VPS13B: variants seen among roughly 807,000 people sequenced by gnomAD.
The protein encoded by VPS13B is intermembrane lipid transfer protein VPS13B.
Under a neutral mutation model 426.4 loss-of-function variants are expected in VPS13B, and 285 were observed. The ratio of observed to expected loss-of-function variants is 0.67; its 90% confidence interval spans 0.61 to 0.74. The LOEUF (loss-of-function observed/expected upper bound fraction) is 0.74. Ranked by LOEUF, VPS13B falls within the 30% of genes least tolerant of loss-of-function variation. VPS13B has a pLI of 0.00. For synonymous variants in VPS13B, 1,676 were observed against 1,676.4 expected, an observed-to-expected ratio of 1.00 and a Z score of 0.01; for missense variants, 4,537 against 4,782.6, an observed-to-expected ratio of 0.95 and a Z score of 1.51.
At chr8:99,224,206 G>GT (rs900687013) in intron 17 of VPS13B, among the ~76,000 whole-genome samples, 9 of 151,950 alleles carry the variant, frequency 5.9e-5, no homozygotes, top group East Asian at 1.9e-4. Context: ...ATGCAGATGG[G>GT]TTTTTTTTCT....
At chr8:99,353,675 A>G (rs989405572) in intron 19 of VPS13B, among the ~76,000 whole-genome samples, 6 of 151,856 alleles carry the variant, frequency 4.0e-5, no homozygotes, top group Non-Finnish European at 8.8e-5. Flanking sequence ...AAAAAATAGC[A>G]CTAGATGCAT....
intron 14 of VPS13B, among the ~76,000 whole-genome samples, chr8:99,153,669 C>G (rs1811195777): frequency 6.6e-6 from 1 of 152,096 alleles, no homozygotes; most frequent in Non-Finnish European, 1.5e-5. Context: ...GCCTGCCACA[C>G]ACAATCATAC....
chr8:99,822,444 A>G (rs1475980467), intron 50 of VPS13B, among the ~76,000 whole-genome samples: 1 of 152,212 alleles, frequency 6.6e-6, no homozygotes, highest in Non-Finnish European at 1.5e-5. Context: ...GTACTGTAAC[A>G]TGGGTGTAAA....
chr8:99,601,102 A>C (rs1348223607), intron 33 of VPS13B, among the ~76,000 whole-genome samples: 46 of 151,994 alleles, frequency 3.0e-4, no homozygotes, highest in Non-Finnish European at 2.9e-5. Flanking sequence ...TGCACCCATC[A>C]ACCCATCATC....
chr8:99,580,744 C>T (rs975357297), intron 33 of VPS13B, among the ~76,000 whole-genome samples: 3 of 151,006 alleles, frequency 2.0e-5, no homozygotes, highest in Admixed American at 6.6e-5. Flanking sequence ...CCCAGCTACT[C>T]GGGAGGCTGA....
intron 17 of VPS13B, chr8:99,209,677 G>A: frequency 1.1e-6 from 1 of 933,802 alleles, no homozygotes; most frequent in Non-Finnish European, 1.3e-6. Context: ...GAAGTGCCGG[G>A]ATTGGAGGCC....
intron 31 of VPS13B, among the ~76,000 whole-genome samples, chr8:99,566,429 A>G (rs902746891): frequency 5.4e-5 from 8 of 148,122 alleles, no homozygotes; most frequent in African/African-American, 2.0e-4. Context: ...TTTCCCTCCT[A>G]TGGTGTTTTC....
At chr8:99,218,077 A>G (rs2132818175) in intron 17 of VPS13B, among the ~76,000 whole-genome samples, 1 of 152,292 alleles carries the variant, frequency 6.6e-6, no homozygotes, top group East Asian at 1.9e-4. Flanking sequence ...TTTAGGGGAA[A>G]GTTGGATTTT....
At position 99,484,635 on chromosome 8, in the gene VPS13B, A is replaced by G. The variant is rs139149681; in HGVS notation, c.3870+2833A>G. On this transcript the variant is annotated intron_variant, in intron 25 of 61. Coordinates refer to ENST00000357162, the MANE Select transcript of VPS13B (RefSeq NM_152564.5). ...TTTCTTATGTCATCATTTACTGGCT[A>G]ATTTTGAAAGAGGTAAATTTAAACC... Among the ~76,000 whole-genome samples, 179 of 152,280 alleles carry G rather than the reference A, an allele frequency of 1.2e-3. 1 individual carries two copies. The highest frequency in any genetic ancestry group is 1.5e-4 in the Non-Finnish European group (10 of 67,998).
intron 15 of VPS13B, among the ~76,000 whole-genome samples, chr8:99,166,250 G>T (rs1219469594): frequency 6.6e-6 from 1 of 152,160 alleles, no homozygotes; most frequent in African/African-American, 2.4e-5. Flanking sequence ...CTCCCAAAGT[G>T]CTGGGATTAT....
At chr8:99,860,306 AG>A (rs2130936837) in intron 57 of VPS13B, among the ~76,000 whole-genome samples, 1 of 152,312 alleles carries the variant, frequency 6.6e-6, no homozygotes, top group African/African-American at 2.4e-5. Flanking sequence ...GAACAGCCAG[AG>A]TCATAAAAAC....
chr8:99,466,263 A>G (rs1819107402), intron 23 of VPS13B, among the ~76,000 whole-genome samples: 1 of 152,024 alleles, frequency 6.6e-6, no homozygotes, highest in Non-Finnish European at 1.5e-5. Context: ...AATGGTTTTG[A>G]TATTTTCTTC....
At chr8:99,422,989 C>G (rs1816458658) in intron 21 of VPS13B, among the ~76,000 whole-genome samples, 2 of 152,146 alleles carry the variant, frequency 1.3e-5, no homozygotes, top group African/African-American at 4.8e-5. Flanking sequence ...TTAGTCATAC[C>G]TGTAATTGTA....
chr8:99,817,011 TACTTC>T (rs890247725), intron 44 of VPS13B, among the ~76,000 whole-genome samples: 7 of 152,110 alleles, frequency 4.6e-5, no homozygotes, highest in African/African-American at 1.7e-4. Context: ...TTTCCATTTC[TACTTC>T]ACTTGACAAG....
At chr8:99,138,128 T>G in intron 12 of VPS13B, among the ~76,000 whole-genome samples, 1 of 152,146 alleles carries the variant, frequency 6.6e-6, no homozygotes, top group Non-Finnish European at 1.5e-5. Context: ...CATCTCTAGA[T>G]TCTAATATAT....
Position 99,819,912 on chromosome 8 carries a change from T to C in VPS13B, c.8793-9T>C. 1.2e-6 allele frequency: 2 copies of C among 1,613,886 alleles called. No individual in the cohort carries two copies. The highest frequency in any genetic ancestry group is 1.7e-6 in the Non-Finnish European group (2 of 1,179,828). ...TCATTGAGTCTCTTGGATGTGGTTT[T>C]TGGAACAGGAATGAACAGCTAAGTC... On this transcript the variant is annotated splice_polypyrimidine_tract_variant and intron_variant, in intron 48 of 61. Transcript: ENST00000357162.
intron 54 of VPS13B, among the ~76,000 whole-genome samples, chr8:99,837,034 C>A (rs1396769840): frequency 6.6e-6 from 1 of 152,220 alleles, no homozygotes; most frequent in Non-Finnish European, 1.5e-5. Context: ...CCCCTTGGAA[C>A]CCCTCTTTCC....
intron 19 of VPS13B, among the ~76,000 whole-genome samples, chr8:99,302,745 G>C (rs1820432521): frequency 6.6e-6 from 1 of 152,044 alleles, no homozygotes; most frequent in African/African-American, 2.4e-5. Context: ...CTGACCTCAG[G>C]TGATCCACCT....
chr8:99,270,418 C>T (rs905019159), intron 17 of VPS13B, among the ~76,000 whole-genome samples: 80 of 151,646 alleles, frequency 5.3e-4, no homozygotes, highest in African/African-American at 1.8e-3. Context: ...GGATTACAGG[C>T]GTGAGCCACC....
Sources: gnomAD v4.1 joint callset for allele counts (sites outside exome capture counted in the v4.1 genomes callset) on GRCh38, gnomAD v4.1.1 for gene constraint, MANE v1.5 for transcripts, NCBI Gene and HGNC (gene_info 2026-07-23, HGNC 2026-07-21) for gene names.